The following PLCH2 variants were observed in gnomAD, a reference collection of about 807,000 sequenced individuals.
The protein encoded by PLCH2 is phospholipase C eta 2, also known as 1-phosphatidylinositol 4,5-bisphosphate phosphodiesterase eta-2.
PLCH2 carries 98 observed loss-of-function variants against 134.7 expected under a neutral mutation model. That is an observed-to-expected ratio of 0.73 (90% CI 0.62 to 0.86). PLCH2 has a LOEUF of 0.86. Among genes scored for constraint, PLCH2 ranks in the 40% least tolerant of loss-of-function variants. PLCH2 has a pLI of 0.00. For synonymous variants in PLCH2, 974 were observed against 827.5 expected, an observed-to-expected ratio of 1.18 and a Z score of -3.04; for missense variants, 1,994 against 1,986.6, an observed-to-expected ratio of 1.00 and a Z score of -0.07.
chr1:2,439,104 G>A lies in PLCH2; in HGVS notation c.115+8475G>A, dbSNP rs1639570222. 6.6e-6 allele frequency among the ~76,000 whole-genome samples: 1 copy of A among 152,232 alleles called. No homozygotes were observed. Among genetic ancestry groups the A allele is most frequent in the Non-Finnish European group, 1.5e-5 (1 of 68,042 alleles). ...ATATCTCCCTTGCCAATGAGAAACT[G>A]TTTCAAGGCAGGATACCATGTCTCT... On this transcript the variant is annotated intron_variant, in intron 2 of 3. Coordinates refer to the PLCH2 transcript ENST00000609981. This position sits in a 1 kb window ranked among gnomAD's most constrained non-coding sequence, Gnocchi z 4.7.
At chr1:2,491,105 C>A (rs1444995853) in intron 10 of PLCH2, 87 bp from the exon 11 acceptor site, 11 of 1,307,690 alleles carry the variant, frequency 8.4e-6, no homozygotes, top group Non-Finnish European at 1.2e-5. Context: ...CTGGGGTGGG[C>A]AGAGTGCTGT....
In PLCH2 at chr1:2,505,294, C is replaced by T; in HGVS notation, c.*81C>T. On this transcript the variant is annotated 3_prime_UTR_variant, in exon 22 of 22. Transcript: ENST00000378486. ...TTGTTTGCTCAGGAAACAGGGCAGC[C>T]AGGCCCCCAAAACTGTGTCCCCCTG... is the stretch of plus-strand genomic sequence containing the variant. 8.8e-7 allele frequency: 1 copy of T among 1,131,888 alleles called. No homozygotes were observed. Among genetic ancestry groups the T allele is most frequent in the Non-Finnish European group, 1.2e-6 (1 of 807,638 alleles). The allele number at this position is 1,131,888 out of a possible 1,614,324, so 70.1% of individuals were successfully genotyped here.
At chr1:2,461,183 A>G (rs1471579743) in intron 2 of PLCH2, among the ~76,000 whole-genome samples, 2 of 152,184 alleles carry the variant, frequency 1.3e-5, no homozygotes, top group African/African-American at 4.8e-5. Flanking sequence ...AAGGCTCTGC[A>G]TGGCTGCTGC....
chr1:2,494,214 C>T (rs2100708162), intron 11 of PLCH2, among the ~76,000 whole-genome samples: 1 of 152,274 alleles, frequency 6.6e-6, no homozygotes, highest in Admixed American at 6.5e-5. Context: ...CTGCTGGTTC[C>T]ATTGGGAATG....
At chr1:2,481,552 G>A (rs1641970172) in intron 4 of PLCH2, among the ~76,000 whole-genome samples, 1 of 152,228 alleles carries the variant, frequency 6.6e-6, no homozygotes, top group Non-Finnish European at 1.5e-5. Flanking sequence ...GGAGACAGAT[G>A]CCCCTCACTG....
At chr1:2,422,412 ATGTT>A (rs1309266346), upstream of PLCH2, among the ~76,000 whole-genome samples, 2 of 152,212 alleles carry the variant, frequency 1.3e-5, no homozygotes, top group Admixed American at 6.5e-5. Context: ...AGTCTCTTGA[ATGTT>A]TGTCTGCATC....
intron 2 of PLCH2, among the ~76,000 whole-genome samples, chr1:2,433,494 C>G (rs1380838136): frequency 6.6e-6 from 1 of 152,104 alleles, no homozygotes; most frequent in East Asian, 1.9e-4. Context: ...GCCATTCTCA[C>G]TGAGCTGGAG....
At chr1:2,503,305 C>A in intron 21 of PLCH2, 1 of 567,580 alleles carries the variant, frequency 1.8e-6, no homozygotes, top group South Asian at 2.0e-5. Context: ...CTGGGGGCCA[C>A]GTACCATCCC....
At chr1:2,454,870 G>A (rs191052561) in intron 2 of PLCH2, among the ~76,000 whole-genome samples, 7 of 152,280 alleles carry the variant, frequency 4.6e-5, no homozygotes, top group Non-Finnish European at 1.0e-4. Context: ...CAGAGCAGGT[G>A]GCTCGCGGCT....
chr1:2,435,454 TGGCTGGA>T (rs58056215), intron 2 of PLCH2, among the ~76,000 whole-genome samples: 55,861 of 150,646 alleles, frequency 0.37, 11,451 homozygotes, highest in East Asian at 0.79. Context: ...AGGTTCCAAA[TGGCTGGA>T]GGCTGGAGGC....
At chr1:2,495,385 C>T (rs1229430956) in intron 12 of PLCH2, 103 bp from the exon 13 acceptor site, 107 of 943,064 alleles carry the variant, frequency 1.1e-4, no homozygotes, top group South Asian at 9.9e-4. Flanking sequence ...CTGCGTGGGC[C>T]GCTGGGGACC....
chr1:2,483,854 TGGGGTGGCGCTGACCCCCGTG>T (rs1642126406), intron 4 of PLCH2, among the ~76,000 whole-genome samples: 3 of 108,766 alleles, frequency 2.8e-5, no homozygotes, highest in African/African-American at 1.2e-4. Context: ...GACCCCCGTG[TGGGGTGGCGCTGACCCCCGTG>T]TGGGTGGCGC....
At chr1:2,494,129 C>T (rs1037667936) in intron 11 of PLCH2, among the ~76,000 whole-genome samples, 2 of 152,254 alleles carry the variant, frequency 1.3e-5, no homozygotes, top group Non-Finnish European at 1.5e-5. Context: ...ATGGGAGCCC[C>T]TCCTGAGCAC....
chr1:2,487,620 C>CG lies in PLCH2; in HGVS notation c.1141dup (p.Glu381GlyfsTer21). ...CAGTGGACTGCTGGGATGGGCCCGA[C>CG]GGGGAGCCCATTGTGCACCATGGCT... On this transcript the variant is annotated frameshift_variant, in exon 8 of 22. Transcript: ENST00000378486. LOFTEE classifies it high-confidence loss of function. The CG allele has an allele frequency of 6.2e-7, 1 of 1,613,120 alleles. No individual in the cohort carries two copies. Among genetic ancestry groups the CG allele is most frequent in the Non-Finnish European group, 8.5e-7 (1 of 1,179,730 alleles).
chr1:2,473,313 G>A (rs1161527812), upstream of PLCH2, among the ~76,000 whole-genome samples: 1 of 152,184 alleles, frequency 6.6e-6, no homozygotes, highest in Non-Finnish European at 1.5e-5. Context: ...AGTCAGGGTG[G>A]GCCGGTGCAG....
intron 2 of PLCH2, among the ~76,000 whole-genome samples, chr1:2,430,937 G>T (rs1371008550): frequency 6.6e-6 from 1 of 152,196 alleles, no homozygotes; most frequent in Non-Finnish European, 1.5e-5. Context: ...CACTGGGGGG[G>T]TCTGGGAGAG....
rs567592217 is a variant in PLCH2 at position 2,484,496 on chromosome 1, T to C, written c.694T>C (p.Cys232Arg). 6 of 1,613,390 alleles carry C rather than the reference T, an allele frequency of 3.7e-6. No homozygotes were observed. Among genetic ancestry groups the C allele is most frequent in the Non-Finnish European group, 5.1e-6 (6 of 1,179,806 alleles). Residue 232 changes from cysteine (C) to arginine (R), a missense_variant, in exon 5 of 22, where the codon TGT becomes CGT. Cys to Arg is a radical substitution (Grantham distance 180). Transcript: ENST00000378486. ...AGGGACGCTGGGTTTTGAAGAGTTCTGTGCCTTCTACAAGATGATGTCCAC... is the reference window on the plus strand; with the variant it reads ...AGGGACGCTGGGTTTTGAAGAGTTCCGTGCCTTCTACAAGATGATGTCCAC... ...HQGTLGFEEF[C>R]AFYKMMSTRR...
Position 2,501,968 on chromosome 1 carries a change from A to C in PLCH2, c.2662-144A>C, listed in dbSNP as rs1392936884. On this transcript the variant is annotated intron_variant, in intron 20 of 21. Transcript: ENST00000378486. ...CCTGAAGGCCCTGGTGTGTCCACAC[A>C]CCCCCAGCCTGAGGTGGCCCAGCCC... The C allele has an allele frequency of 1.2e-5, 8 of 692,316 alleles. No homozygotes were observed. In the Admixed American group the frequency reaches 2.1e-4, roughly 18 times the overall value. The allele number at this position is 692,316 out of a possible 1,614,324, so 42.9% of individuals were successfully genotyped here.
intron 2 of PLCH2, among the ~76,000 whole-genome samples, chr1:2,433,108 C>A (rs1016326134): frequency 6.6e-6 from 1 of 152,222 alleles, no homozygotes; most frequent in African/African-American, 2.4e-5. Flanking sequence ...GAGGTGGGAG[C>A]CTTCTTCAGG....
Sources: allele counts gnomAD v4.1 joint callset (sites outside exome capture counted in the v4.1 genomes callset), GRCh38; gene constraint gnomAD v4.1.1; non-coding constraint Gnocchi (gnomAD v3.1); transcripts MANE v1.5; gene names NCBI Gene and HGNC (gene_info 2026-07-23, HGNC 2026-07-21).